DIAPH2: variants seen among roughly 807,000 people sequenced by gnomAD.
The protein encoded by DIAPH2 is diaphanous related formin 2, also known as protein diaphanous homolog 2.
A neutral mutation model predicts 92.7 loss-of-function variants in DIAPH2; 35 were observed. The ratio of observed to expected loss-of-function variants is 0.38; its 90% confidence interval spans 0.29 to 0.50. The LOEUF is 0.50. Among genes scored for constraint, DIAPH2 ranks in the 20% least tolerant of loss-of-function variants. DIAPH2 has a pLI of 0.94. For synonymous variants in DIAPH2, 301 were observed against 280.4 expected, an observed-to-expected ratio of 1.07 and a Z score of -0.73; for missense variants, 701 against 819.5, an observed-to-expected ratio of 0.86 and a Z score of 1.77.
At chrX:96,967,482 C>T (rs967954495) in intron 17 of DIAPH2, among the ~76,000 whole-genome samples, 5 of 110,027 alleles carry the variant, frequency 4.5e-5, no homozygotes, top group African/African-American at 1.7e-4. Context: ...TGCAATGGCG[C>T]GATCTTGGCT....
At chrX:97,220,035 G>C (rs1234108176) in intron 22 of DIAPH2, among the ~76,000 whole-genome samples, 6 of 111,907 alleles carry the variant, frequency 5.4e-5, no homozygotes, top group Non-Finnish European at 1.1e-4. Context: ...TGGGGGGATA[G>C]TTTATATTTT....
At chrX:96,946,781 TG>T (rs756467373) in intron 14 of DIAPH2, among the ~76,000 whole-genome samples, 10 of 111,856 alleles carry the variant, frequency 8.9e-5, no homozygotes, top group Middle Eastern at 4.6e-3. Flanking sequence ...TGTGATTATC[TG>T]TCTGGTAAAG....
At chrX:97,011,654 A>G (rs563582015) in intron 17 of DIAPH2, among the ~76,000 whole-genome samples, 1 of 110,564 alleles carries the variant, frequency 9.0e-6, no homozygotes, top group East Asian at 2.9e-4. Flanking sequence ...TTGAGATTCC[A>G]AGGCGGGTGG....
intron 4 of DIAPH2, among the ~76,000 whole-genome samples, chrX:96,825,091 G>A (rs371821731): frequency 9.4e-6 from 1 of 106,104 alleles, no homozygotes; most frequent in African/African-American, 3.4e-5. Flanking sequence ...GATTACAGGC[G>A]CATGCCACCA....
chrX:97,025,481 A>C (rs1036373013), intron 17 of DIAPH2, among the ~76,000 whole-genome samples: 7 of 108,947 alleles, frequency 6.4e-5, no homozygotes, highest in East Asian at 2.9e-4. Flanking sequence ...GAAACCCCGT[A>C]TCTACTAAAA....
At position 96,909,034 on chromosome X, in the gene DIAPH2, G is replaced by A. The variant is rs539025136; in HGVS notation, c.588-3294G>A. Among the ~76,000 whole-genome samples, 25 of 111,806 alleles carry A rather than the reference G, an allele frequency of 2.2e-4. No individual in the cohort carries two copies. The South Asian group carries it at 9.4e-3, about 42-fold the overall frequency. On this transcript the variant is annotated intron_variant, in intron 5 of 26. Coordinates refer to ENST00000324765, the MANE Select transcript of DIAPH2 (RefSeq NM_006729.5). ...TTCCCCTGCTTCTCAGCAATCCATTGTTCCCTGCCAGTGGTTCTCAAACTT... is the reference window on the plus strand; with the variant it reads ...TTCCCCTGCTTCTCAGCAATCCATTATTCCCTGCCAGTGGTTCTCAAACTT...
chrX:97,215,226 T>C (rs1201676823), intron 22 of DIAPH2, among the ~76,000 whole-genome samples: 2 of 111,569 alleles, frequency 1.8e-5, no homozygotes, highest in Non-Finnish European at 3.8e-5. Context: ...CTAATATAGT[T>C]TTCTTGGATA....
chrX:96,883,252 A>G (rs1424585005), intron 5 of DIAPH2, among the ~76,000 whole-genome samples: 1 of 111,697 alleles, frequency 9.0e-6, no homozygotes, highest in Non-Finnish European at 1.9e-5. Context: ...GAAAATTACA[A>G]TTTTAAAACA....
chrX:96,927,225 A>G (rs1388567071), intron 9 of DIAPH2, among the ~76,000 whole-genome samples: 1 of 103,850 alleles, frequency 9.6e-6, no homozygotes, highest in African/African-American at 3.5e-5. Context: ...GGACCAGAGT[A>G]TTTTATGTTC....
At chrX:96,961,898 T>G (rs2065851311) in intron 16 of DIAPH2, among the ~76,000 whole-genome samples, 1 of 110,336 alleles carries the variant, frequency 9.1e-6, no homozygotes, top group African/African-American at 3.3e-5. Context: ...CGATATGATT[T>G]TGATTTTTAA....
At chrX:97,093,386 C>G (rs759998487) in intron 19 of DIAPH2, among the ~76,000 whole-genome samples, 6 of 111,300 alleles carry the variant, frequency 5.4e-5, no homozygotes, top group Admixed American at 9.5e-5. Context: ...GGCTTTCAAG[C>G]TATAAACTGT....
intron 4 of DIAPH2, among the ~76,000 whole-genome samples, chrX:96,795,147 T>C (rs2064529071): frequency 9.0e-6 from 1 of 111,700 alleles, no homozygotes; most frequent in Non-Finnish European, 1.9e-5. Context: ...TGGCCACCAT[T>C]CAACCCACTA....
intron 17 of DIAPH2, among the ~76,000 whole-genome samples, chrX:96,975,736 C>G (rs1011158538): frequency 4.5e-5 from 5 of 111,187 alleles, no homozygotes; most frequent in Non-Finnish European, 7.5e-5. Flanking sequence ...TGAGGGCCTA[C>G]TTTCTGGATT....
chrX:96,942,805 A>C (rs1387303580), intron 13 of DIAPH2, among the ~76,000 whole-genome samples: 1 of 111,576 alleles, frequency 9.0e-6, no homozygotes, highest in Non-Finnish European at 1.9e-5. Flanking sequence ...ATGGCTAAGC[A>C]GTCTTATTTA....
intron 4 of DIAPH2, among the ~76,000 whole-genome samples, chrX:96,821,362 T>C (rs1363845042): frequency 9.0e-6 from 1 of 111,479 alleles, no homozygotes; most frequent in Non-Finnish European, 1.9e-5. Context: ...GCAGAACCCA[T>C]TGACTTTTTG....
chrX:97,526,004 A>G (rs1342101335), intron 26 of DIAPH2, among the ~76,000 whole-genome samples: 1 of 112,159 alleles, frequency 8.9e-6, no homozygotes, highest in Non-Finnish European at 1.9e-5. Context: ...CTTATTTCCT[A>G]CTTTGAGTAC....
chrX:97,396,922 A>G (rs190915739), intron 25 of DIAPH2, among the ~76,000 whole-genome samples: 158 of 111,866 alleles, frequency 1.4e-3, no homozygotes, highest in African/African-American at 4.8e-3. Flanking sequence ...GTATGTATAT[A>G]CTCACACAGG....
At chrX:97,373,511 A>G (rs73552460) in intron 24 of DIAPH2, among the ~76,000 whole-genome samples, 1 of 108,504 alleles carries the variant, frequency 9.2e-6, no homozygotes, top group Non-Finnish European at 1.9e-5. Flanking sequence ...ACAAGGAAGA[A>G]AGAGGAAGTT....
intron 26 of DIAPH2, among the ~76,000 whole-genome samples, chrX:97,559,581 A>T (rs1157639344): frequency 9.0e-6 from 1 of 111,547 alleles, no homozygotes; most frequent in Non-Finnish European, 1.9e-5. Flanking sequence ...GGCATTCAAA[A>T]CTTTCTTAAA....
Sources: allele counts gnomAD v4.1 joint callset (sites outside exome capture counted in the v4.1 genomes callset), GRCh38; gene constraint gnomAD v4.1.1; transcripts MANE v1.5; gene names NCBI Gene and HGNC (gene_info 2026-07-23, HGNC 2026-07-21).